The following SLC18A2 variants were observed in gnomAD, a reference collection of about 807,000 sequenced individuals.
SLC18A2 encodes solute carrier family 18 member A2.
In SLC18A2, 33 loss-of-function variants were observed where a neutral mutation model predicts 59.2. That is an observed-to-expected ratio of 0.56 (90% CI 0.42 to 0.75). The LOEUF (loss-of-function observed/expected upper bound fraction) is 0.75, where lower values mean the gene tolerates loss of function less well. Ranked by LOEUF, SLC18A2 falls within the 30% of genes least tolerant of loss-of-function variation. SLC18A2 has a pLI of 0.00. For missense variants in SLC18A2, 569 were observed against 668.6 expected (o/e 0.85, Z 1.64); for synonymous variants, 228 against 253.5 (o/e 0.90, Z 0.95).
chr10:117,279,006 C>G lies in SLC18A2; in HGVS notation c.*1740C>G, dbSNP rs1186642219. 3 of 152,192 alleles carry G rather than the reference C, an allele frequency of 2.0e-5. No homozygotes were observed. The highest frequency in any genetic ancestry group is 4.4e-5 in the Non-Finnish European group (3 of 68,038). 9.4% of individuals were successfully genotyped at this position (152,192 alleles called of 1,614,324 possible). A position where few individuals can be genotyped will look rare whatever the true frequency, so the allele number is the denominator to read the frequency against. Reference sequence around the variant, plus strand: ...TTCTGGTTCTCCCTGCCCCCAATACCATATACTTTATTGCAATTTTATTTT... The same window carrying G: ...TTCTGGTTCTCCCTGCCCCCAATACGATATACTTTATTGCAATTTTATTTT... On this transcript the variant is annotated 3_prime_UTR_variant, in exon 16 of 16. Transcript: ENST00000644641.
intron 3 of SLC18A2, among the ~76,000 whole-genome samples, chr10:117,245,717 C>G (rs1159293026): frequency 1.3e-5 from 2 of 152,134 alleles, no homozygotes; most frequent in South Asian, 2.1e-4. Flanking sequence ...GGGTTAGGGG[C>G]ACCGAGAGGT....
At chr10:117,248,469 C>A (rs363336) in intron 3 of SLC18A2, among the ~76,000 whole-genome samples, 9,258 of 152,216 alleles carry the variant, frequency 0.061, 455 homozygotes, top group Admixed American at 0.16. Context: ...GATGACCTGG[C>A]CAATAGCACA....
intron 3 of SLC18A2, among the ~76,000 whole-genome samples, chr10:117,246,497 T>C (rs1464134429): frequency 1.3e-5 from 2 of 152,242 alleles, no homozygotes; most frequent in Non-Finnish European, 2.9e-5. Context: ...TCTTCCATTT[T>C]GTGACTTGTG....
At chr10:117,266,639 G>C in intron 10 of SLC18A2, 94 bp from the exon 11 acceptor site, 1 of 988,288 alleles carries the variant, frequency 1.0e-6, no homozygotes, top group Non-Finnish European at 1.5e-6. Context: ...CGTTTTATCT[G>C]CTCTCATCAA....
chr10:117,248,353 T>C (rs1844130909), intron 3 of SLC18A2, among the ~76,000 whole-genome samples: 1 of 152,202 alleles, frequency 6.6e-6, no homozygotes, highest in African/African-American at 2.4e-5. Flanking sequence ...TAACTGCTAA[T>C]AGGATGCACA....
chr10:117,259,244 T>G (rs891817401), intron 10 of SLC18A2, among the ~76,000 whole-genome samples: 1 of 152,248 alleles, frequency 6.6e-6, no homozygotes, highest in African/African-American at 2.4e-5. Flanking sequence ...TGCCTTGTCC[T>G]TTCATTTTCT....
At chr10:117,277,093 C>A (rs1275482863) in intron 15 of SLC18A2, 69 bp from the exon 16 acceptor site, 1 of 877,170 alleles carries the variant, frequency 1.1e-6, no homozygotes, top group Non-Finnish European at 1.8e-6. Flanking sequence ...TCCTTAAAAA[C>A]AGTAGGTTAA....
intron 10 of SLC18A2, among the ~76,000 whole-genome samples, chr10:117,258,949 A>G (rs2133736837): frequency 6.6e-6 from 1 of 152,092 alleles, no homozygotes; most frequent in Middle Eastern, 3.4e-3. Context: ...CCCCCTTTTT[A>G]AAAATTTTCC....
At chr10:117,265,982 TG>T (rs1384137665) in intron 10 of SLC18A2, among the ~76,000 whole-genome samples, 1 of 150,950 alleles carries the variant, frequency 6.6e-6, no homozygotes, top group Non-Finnish European at 1.5e-5. Flanking sequence ...CTCAGCTACT[TG>T]GGAGGCTGAG....
intron 10 of SLC18A2, among the ~76,000 whole-genome samples, chr10:117,263,138 A>T (rs1415097845): frequency 6.6e-6 from 1 of 152,146 alleles, no homozygotes; most frequent in Non-Finnish European, 1.5e-5. Context: ...CTTTAAGAGA[A>T]TCAGGTTTCT....
chr10:117,253,845 C>CA (rs980056390), intron 4 of SLC18A2, among the ~76,000 whole-genome samples: 9 of 151,726 alleles, frequency 5.9e-5, no homozygotes, highest in African/African-American at 1.9e-4. Context: ...GACTCCATCT[C>CA]AAAAAAAAGT....
chr10:117,250,091 G>A (rs146949907), intron 3 of SLC18A2, among the ~76,000 whole-genome samples: 25 of 152,314 alleles, frequency 1.6e-4, no homozygotes, highest in African/African-American at 5.5e-4. Context: ...GACTAGGGAC[G>A]CTGGACGACT....
At chr10:117,275,234 G>A (rs1208652548) in intron 15 of SLC18A2, among the ~76,000 whole-genome samples, 2 of 152,166 alleles carry the variant, frequency 1.3e-5, no homozygotes, top group Non-Finnish European at 2.9e-5. Context: ...TAAGTTAGAA[G>A]CTGACAGGTT....
intron 5 of SLC18A2, 78 bp downstream of exon 5, chr10:117,254,209 TTGG>T: frequency 7.0e-7 from 1 of 1,428,722 alleles, no homozygotes. Flanking sequence ...AATTCAGGTA[TTGG>T]TGGTGGTTGG....
In SLC18A2 at chr10:117,270,316, C is replaced by G; in HGVS notation, c.1307-14C>G. 7 of 1,614,134 alleles carry G rather than the reference C, an allele frequency of 4.3e-6. No homozygotes were observed. Among genetic ancestry groups the G allele is most frequent in the Non-Finnish European group, 5.1e-6 (6 of 1,180,022 alleles). Reference sequence around the variant, plus strand: ...ATTTGGAAGAGCTTTATCTAATTCTCTGTTTCCTGAAAGGTCCTTCTGCTG... The same window carrying G: ...ATTTGGAAGAGCTTTATCTAATTCTGTGTTTCCTGAAAGGTCCTTCTGCTG... On this transcript the variant is annotated splice_polypyrimidine_tract_variant and intron_variant, in intron 14 of 15. Coordinates refer to ENST00000644641, the MANE Select transcript of SLC18A2 (RefSeq NM_003054.6).
chr10:117,255,570 T>A, intron 8 of SLC18A2, 27 bp from the exon 9 acceptor site: 1 of 1,614,124 alleles, frequency 6.2e-7, no homozygotes, highest in Non-Finnish European at 8.5e-7. Flanking sequence ...ATGGTGCTGC[T>A]TCTGACCCGT....
chr10:117,255,439 T>C, intron 7 of SLC18A2, 40 bp from the exon 8 acceptor site: 1 of 1,614,166 alleles, frequency 6.2e-7, no homozygotes, highest in Non-Finnish European at 8.5e-7. Context: ...CACACCTGCT[T>C]TCTGAAGAGG....
intron 10 of SLC18A2, among the ~76,000 whole-genome samples, chr10:117,262,678 T>C (rs942774601): frequency 6.6e-6 from 1 of 152,024 alleles, no homozygotes; most frequent in Non-Finnish European, 1.5e-5. Context: ...TATTTGTTTA[T>C]TTATTTTTAG....
chr10:117,245,131 C>T (rs948107030), intron 3 of SLC18A2, among the ~76,000 whole-genome samples: 3 of 152,222 alleles, frequency 2.0e-5, no homozygotes, highest in Non-Finnish European at 2.9e-5. Flanking sequence ...GAGGAGGAGG[C>T]AGGCCCCCAA....
Sources: gnomAD v4.1 joint callset for allele counts (sites outside exome capture counted in the v4.1 genomes callset) on GRCh38, gnomAD v4.1.1 for gene constraint, MANE v1.5 for transcripts, NCBI Gene and HGNC (gene_info 2026-07-23, HGNC 2026-07-21) for gene names.